Variants in TAFA1 observed in about 807,000 individuals in gnomAD.
TAFA1 encodes chemokine-like protein TAFA-1.
A neutral mutation model predicts 18.5 loss-of-function variants in TAFA1; 4 were observed. The observed-to-expected ratio is 0.22, with a 90% CI of 0.11 to 0.49. The LOEUF (loss-of-function observed/expected upper bound fraction) is 0.49. TAFA1 is among the 20% of genes least tolerant of loss of function. The probability of loss-of-function intolerance (pLI) is 0.98; values close to 1 mark genes in which losing one functional copy is unlikely to be tolerated. For synonymous variants in TAFA1, 56 were observed against 55.2 expected (o/e 1.01, Z -0.06); for missense variants, 147 against 169.0 (o/e 0.87, Z 0.72).
chr3:68,229,821 G>C (rs968008703), intron 2 of TAFA1, among the ~76,000 whole-genome samples: 1 of 152,008 alleles, frequency 6.6e-6, no homozygotes, highest in Non-Finnish European at 1.5e-5. Flanking sequence ...CCCCCTTAAG[G>C]CTCAGTTTCT....
chr3:68,542,783 C>A (rs1416421410), intron 4 of TAFA1, among the ~76,000 whole-genome samples: 1 of 152,036 alleles, frequency 6.6e-6, no homozygotes, highest in Non-Finnish European at 1.5e-5. Context: ...TTCTTTTGGT[C>A]TTTGACAGCC....
intron 2 of TAFA1, among the ~76,000 whole-genome samples, chr3:68,023,703 A>G (rs990627185): frequency 2.6e-5 from 4 of 151,816 alleles, no homozygotes; most frequent in Admixed American, 6.6e-5. Context: ...CAGTCTATAA[A>G]GAAGGCAAAA....
chr3:68,147,660 T>A (rs1595491), intron 2 of TAFA1, among the ~76,000 whole-genome samples: 126,970 of 152,142 alleles, frequency 0.83, 53,213 homozygotes, highest in South Asian at 0.9. Flanking sequence ...CCAGAGACAA[T>A]TTTCTGAAAC....
At chr3:68,316,708 A>G (rs1295852636) in intron 2 of TAFA1, among the ~76,000 whole-genome samples, 2 of 152,176 alleles carry the variant, frequency 1.3e-5, no homozygotes, top group Admixed American at 6.5e-5. Context: ...ACTAGGTACC[A>G]GGGGATTCAT....
At chr3:68,050,979 T>C (rs574815279) in intron 2 of TAFA1, among the ~76,000 whole-genome samples, 3 of 152,278 alleles carry the variant, frequency 2.0e-5, no homozygotes, top group African/African-American at 7.2e-5. Flanking sequence ...ACAAACAGTG[T>C]TTACTTCTCA....
chr3:68,408,746 C>T (rs1005360873), intron 2 of TAFA1, among the ~76,000 whole-genome samples: 1 of 152,066 alleles, frequency 6.6e-6, no homozygotes, highest in African/African-American at 2.4e-5. Context: ...CCCCTGCCAG[C>T]GTGGAGTGCC....
chr3:68,520,152 G>A (rs1411647418), intron 3 of TAFA1, among the ~76,000 whole-genome samples: 1 of 152,052 alleles, frequency 6.6e-6, no homozygotes, highest in Non-Finnish European at 1.5e-5. Context: ...TTTGAGCTTG[G>A]CATTTGGGCT....
chr3:68,386,584 C>T (rs1174142666), intron 2 of TAFA1, among the ~76,000 whole-genome samples: 2 of 152,118 alleles, frequency 1.3e-5, no homozygotes, highest in African/African-American at 2.4e-5. Context: ...ATAGGTTTTT[C>T]TACTACCATC....
intron 2 of TAFA1, among the ~76,000 whole-genome samples, chr3:68,415,536 A>T (rs2070814676): frequency 6.6e-6 from 1 of 151,966 alleles, no homozygotes; most frequent in South Asian, 2.1e-4. Context: ...TCCAGAAGAA[A>T]CCATATTTTC....
intron 2 of TAFA1, among the ~76,000 whole-genome samples, chr3:68,367,428 G>T (rs1327925505): frequency 6.6e-6 from 1 of 152,140 alleles, no homozygotes. Context: ...TAGGTCAAAC[G>T]CACTTTCAAG....
chr3:68,343,980 A>G (rs1200933755), intron 2 of TAFA1, among the ~76,000 whole-genome samples: 1 of 152,038 alleles, frequency 6.6e-6, no homozygotes, highest in African/African-American at 2.4e-5. Flanking sequence ...AGTAGCTGGG[A>G]TTACAGGCAT....
chr3:68,095,062 G>C (rs1047338268), intron 2 of TAFA1, among the ~76,000 whole-genome samples: 1 of 152,156 alleles, frequency 6.6e-6, no homozygotes, highest in Admixed American at 6.5e-5. Context: ...CCCTTAAGTG[G>C]CTTGGTTTCA....
At chr3:68,172,149 C>T (rs539007857) in intron 2 of TAFA1, among the ~76,000 whole-genome samples, 21 of 152,098 alleles carry the variant, frequency 1.4e-4, no homozygotes, top group Non-Finnish European at 2.8e-4. Flanking sequence ...AAACTCACAC[C>T]TATATAAGTC....
chr3:68,321,617 T>G (rs2068698612), intron 2 of TAFA1, among the ~76,000 whole-genome samples: 1 of 152,212 alleles, frequency 6.6e-6, no homozygotes. Flanking sequence ...TGCTGTGTGC[T>G]GCGTGCTTGC....
At chr3:68,256,649 T>A (rs192767835) in intron 2 of TAFA1, among the ~76,000 whole-genome samples, 2 of 152,176 alleles carry the variant, frequency 1.3e-5, no homozygotes, top group African/African-American at 4.8e-5. Context: ...GCCTTGGCAT[T>A]GTGTAAAATG....
At chr3:68,216,819 C>T (rs2107081251) in intron 2 of TAFA1, among the ~76,000 whole-genome samples, 1 of 152,086 alleles carries the variant, frequency 6.6e-6, no homozygotes, top group South Asian at 2.1e-4. Flanking sequence ...TCCCAAGAGC[C>T]AGCACTGGAG....
chr3:68,423,882 G>A (rs1179361919), intron 3 of TAFA1, among the ~76,000 whole-genome samples: 1 of 151,872 alleles, frequency 6.6e-6, no homozygotes, highest in African/African-American at 2.4e-5. Context: ...TCTATGATAA[G>A]TTCAGAAGTC....
chr3:68,263,626 G>A (rs1326784668), intron 2 of TAFA1, among the ~76,000 whole-genome samples: 1 of 149,642 alleles, frequency 6.7e-6, no homozygotes, highest in African/African-American at 2.4e-5. Flanking sequence ...TGGGCCACTT[G>A]CTCAAAGAGT....
chr3:68,184,679 A>C (rs1456418175), intron 2 of TAFA1, among the ~76,000 whole-genome samples: 1 of 152,152 alleles, frequency 6.6e-6, no homozygotes, highest in Non-Finnish European at 1.5e-5. Context: ...AACGAATATT[A>C]GGTTTGATTA....
Sources: allele counts gnomAD v4.1 joint callset (sites outside exome capture counted in the v4.1 genomes callset), GRCh38; gene constraint gnomAD v4.1.1; transcripts MANE v1.5; gene names NCBI Gene and HGNC (gene_info 2026-07-23, HGNC 2026-07-21).